Variants in DCDC2 observed in about 807,000 individuals in gnomAD.
The protein encoded by DCDC2 is doublecortin domain-containing protein 2.
In DCDC2, 40 loss-of-function variants were observed where a neutral mutation model predicts 50.2. The ratio of observed to expected loss-of-function variants is 0.80; its 90% CI spans 0.62 to 1.04. DCDC2 has a LOEUF of 1.04. Among genes scored for constraint, DCDC2 ranks in the 50% least tolerant of loss-of-function variants. The probability of loss-of-function intolerance (pLI) is 0.00; values close to 1 mark genes in which losing one functional copy is unlikely to be tolerated. For missense variants in DCDC2, 570 were observed against 581.9 expected (o/e 0.98, Z 0.21); for synonymous variants, 234 against 210.6 (o/e 1.11, Z -0.96).
chr6:24,243,834 G>T (rs892183536), intron 7 of DCDC2, among the ~76,000 whole-genome samples: 1 of 152,142 alleles, frequency 6.6e-6, no homozygotes, highest in African/African-American at 2.4e-5. Context: ...ATGGGAATGG[G>T]GGTTGAGTGA....
chr6:24,210,689 C>T (rs190341681), intron 7 of DCDC2, among the ~76,000 whole-genome samples: 1 of 152,318 alleles, frequency 6.6e-6, no homozygotes, highest in African/African-American at 2.4e-5. Flanking sequence ...AGCTCATAAT[C>T]ATCCTCCATA....
At chr6:24,195,362 T>G (rs919811512) in intron 8 of DCDC2, among the ~76,000 whole-genome samples, 3 of 152,166 alleles carry the variant, frequency 2.0e-5, no homozygotes, top group African/African-American at 7.2e-5. Flanking sequence ...CCAAACTCTT[T>G]TTTTCAAATA....
chr6:24,207,341 T>G (rs1016431818), intron 7 of DCDC2, among the ~76,000 whole-genome samples: 1 of 151,412 alleles, frequency 6.6e-6, no homozygotes, highest in African/African-American at 2.4e-5. Flanking sequence ...GATCTTATTG[T>G]ACATATAATT....
chr6:24,296,002 G>C (rs774586792), intron 4 of DCDC2, among the ~76,000 whole-genome samples: 22 of 152,084 alleles, frequency 1.4e-4, no homozygotes, highest in African/African-American at 2.9e-4. Context: ...AACCAAAAAA[G>C]AACCTAAATA....
intron 6 of DCDC2, among the ~76,000 whole-genome samples, chr6:24,284,610 CAAA>C (rs200440372): frequency 0.17 from 16,884 of 99,916 alleles, 951 homozygotes; most frequent in East Asian, 0.23. Context: ...GACTCTGTCT[CAAA>C]AAAAAAAAAA....
At chr6:24,264,532 A>G (rs1211057124) in intron 7 of DCDC2, among the ~76,000 whole-genome samples, 1 of 152,152 alleles carries the variant, frequency 6.6e-6, no homozygotes, top group African/African-American at 2.4e-5. Flanking sequence ...TGTTTTTGCA[A>G]TTAGTGCTAA....
chr6:24,251,992 C>T (rs1250611223), intron 7 of DCDC2, among the ~76,000 whole-genome samples: 4 of 152,174 alleles, frequency 2.6e-5, no homozygotes, highest in Non-Finnish European at 5.9e-5. Flanking sequence ...TTTAAGGCTC[C>T]TTATGACCTA....
At chr6:24,321,735 C>T (rs1000369119) in intron 2 of DCDC2, among the ~76,000 whole-genome samples, 23 of 152,180 alleles carry the variant, frequency 1.5e-4, no homozygotes, top group African/African-American at 5.1e-4. Context: ...TTCCCAGTCT[C>T]TGTGGGAGGA....
chr6:24,221,138 T>A (rs1762110278), intron 7 of DCDC2, among the ~76,000 whole-genome samples: 1 of 152,128 alleles, frequency 6.6e-6, no homozygotes, highest in African/African-American at 2.4e-5. Flanking sequence ...CTCTTCATCA[T>A]CCTAAAGGAT....
At chr6:24,214,824 G>GTT (rs1761941032) in intron 7 of DCDC2, among the ~76,000 whole-genome samples, 2 of 152,244 alleles carry the variant, frequency 1.3e-5, no homozygotes, top group Admixed American at 1.3e-4. Context: ...ACTTCTATAC[G>GTT]CTAGATTTAT....
chr6:24,340,027 T>TA (rs1314142534), intron 2 of DCDC2, among the ~76,000 whole-genome samples: 1 of 152,132 alleles, frequency 6.6e-6, no homozygotes, highest in Non-Finnish European at 1.5e-5. Flanking sequence ...AGTCACTAAG[T>TA]AAAAATGCTG....
intron 1 of DCDC2, among the ~76,000 whole-genome samples, chr6:24,354,436 C>CA (rs1337208799): frequency 2.0e-4 from 31 of 151,964 alleles, no homozygotes; most frequent in African/African-American, 6.8e-4. Context: ...CAACTTGTCC[C>CA]AAAAAAAGCT....
chr6:24,325,263 G>A (rs1759837342), intron 2 of DCDC2, among the ~76,000 whole-genome samples: 1 of 149,586 alleles, frequency 6.7e-6, no homozygotes, highest in Admixed American at 6.7e-5. Context: ...TTTATTCTGT[G>A]ATCCGTTTTT....
chr6:24,372,187 C>G, the DCDC2 span, among the ~76,000 whole-genome samples: 2 of 151,992 alleles, frequency 1.3e-5, no homozygotes, highest in Non-Finnish European at 2.9e-5. Context: ...TTTGGGAGGC[C>G]GAGGCGGGTG....
chr6:24,219,634 C>T (rs961735992), intron 7 of DCDC2, among the ~76,000 whole-genome samples: 8 of 152,322 alleles, frequency 5.3e-5, no homozygotes, highest in Admixed American at 3.9e-4. Context: ...TGTGGGTATA[C>T]GACCTGTGCG....
At chr6:24,306,255 A>C (rs1365935943) in intron 2 of DCDC2, among the ~76,000 whole-genome samples, 1 of 151,958 alleles carries the variant, frequency 6.6e-6, no homozygotes, top group East Asian at 1.9e-4. Flanking sequence ...TGCAAAATTC[A>C]AACTTTCACT....
At chr6:24,344,527 T>A (rs1013229205) in intron 2 of DCDC2, among the ~76,000 whole-genome samples, 5 of 152,212 alleles carry the variant, frequency 3.3e-5, no homozygotes, top group African/African-American at 1.2e-4. Flanking sequence ...AAAGAGAGGA[T>A]GCCAGATATT....
intron 8 of DCDC2, among the ~76,000 whole-genome samples, chr6:24,198,029 C>T (rs1761484652): frequency 2.0e-5 from 3 of 152,156 alleles, no homozygotes; most frequent in Admixed American, 2.0e-4. Context: ...TACTCACACA[C>T]ACACACAACT....
At position 24,278,195 on chromosome 6, in the gene DCDC2, G is replaced by C. The variant is rs759266278; in HGVS notation, c.776C>G (p.Ser259Cys). ...GTCACTGGATCCAACTGTTGACTTAGAGTGGCGATCATTTCCCTAAATGGC... is the reference window on the plus strand; with the variant it reads ...GTCACTGGATCCAACTGTTGACTTACAGTGGCGATCATTTCCCTAAATGGC... ...KSKGSGNDRHSKSTVGSSDNS... is the reference protein window; with the variant it reads ...KSKGSGNDRHCKSTVGSSDNS... The change falls in exon 7 of 10, where the codon TCT becomes TGT. Residue 259 changes from serine to cysteine, a missense_variant. Coordinates refer to ENST00000378454, the MANE Select transcript of DCDC2 (RefSeq NM_016356.5). 5.0e-6 allele frequency: 8 copies of C among 1,609,068 alleles called. No individual in the cohort carries two copies. The highest frequency in any genetic ancestry group is 2.2e-5 in the East Asian group (1 of 44,864).
Sources: allele counts gnomAD v4.1 joint callset (sites outside exome capture counted in the v4.1 genomes callset), GRCh38; gene constraint gnomAD v4.1.1; transcripts MANE v1.5; gene names NCBI Gene and HGNC (gene_info 2026-07-23, HGNC 2026-07-21).